Variants in SLC25A13 observed in about 807,000 individuals in gnomAD.
The protein encoded by SLC25A13 is electrogenic aspartate/glutamate antiporter SLC25A13, mitochondrial.
A neutral mutation model predicts 85.5 loss-of-function variants in SLC25A13; 70 were observed. The observed-to-expected ratio is 0.82, with a 90% CI of 0.68 to 1.00. The LOEUF is 1.00. SLC25A13 is among the 50% of genes least tolerant of loss of function. The pLI is 0.00. For synonymous variants in SLC25A13, 259 were observed against 288.7 expected (o/e 0.90, Z 1.04); for missense variants, 765 against 819.8 (o/e 0.93, Z 0.82).
chr7:96,314,818 C>G (rs1445686541), intron 1 of SLC25A13, among the ~76,000 whole-genome samples: 1 of 152,176 alleles, frequency 6.6e-6, no homozygotes, highest in Non-Finnish European at 1.5e-5. Context: ...CAAAAAAGAC[C>G]TGCTCCCTGA....
intron 2 of SLC25A13, among the ~76,000 whole-genome samples, chr7:96,284,675 T>C (rs746078424): frequency 1.3e-5 from 2 of 152,186 alleles, no homozygotes; most frequent in Non-Finnish European, 1.5e-5. Flanking sequence ...AACTGAATCA[T>C]GGGTGCGGTC....
At chr7:96,134,306 G>A (rs542405418) in intron 14 of SLC25A13, among the ~76,000 whole-genome samples, 11 of 152,236 alleles carry the variant, frequency 7.2e-5, no homozygotes, top group Middle Eastern at 3.4e-3. Context: ...AAAGTGCTGG[G>A]ATTACAGGCA....
chr7:96,281,669 G>A, intron 2 of SLC25A13, among the ~76,000 whole-genome samples: 1 of 152,062 alleles, frequency 6.6e-6, no homozygotes, highest in Non-Finnish European at 1.5e-5. Context: ...ATTCATGGCT[G>A]TACATTTGTG....
chr7:96,279,021 G>C (rs975642878), intron 2 of SLC25A13, among the ~76,000 whole-genome samples: 1 of 152,182 alleles, frequency 6.6e-6, no homozygotes, highest in East Asian at 1.9e-4. Flanking sequence ...TAAAGCTAAG[G>C]TAGTAAGCTT....
At chr7:96,234,992 G>A (rs1796692580) in intron 3 of SLC25A13, 75 bp from the exon 4 acceptor site, 2 of 1,036,750 alleles carry the variant, frequency 1.9e-6, no homozygotes, top group Admixed American at 2.1e-5. Context: ...CATACACTGA[G>A]GGAAAAAATA....
chr7:96,120,555 C>A lies in SLC25A13; in HGVS notation c.*636G>T. 1 of 454,502 alleles carries A rather than the reference C, an allele frequency of 2.2e-6. No homozygotes were observed. The highest frequency in any genetic ancestry group is 4.4e-6 in the Non-Finnish European group (1 of 226,784). 28.2% of individuals were successfully genotyped at this position (454,502 alleles called of 1,614,324 possible). On this transcript the variant is annotated 3_prime_UTR_variant, in exon 18 of 18. Transcript: ENST00000265631. ...GTACAGTAAAATGCCAAAAGTACTT[C>A]CCTAAAGTACAAAGGCATTTCCCTA...
intron 2 of SLC25A13, among the ~76,000 whole-genome samples, chr7:96,291,957 C>T (rs2116981851): frequency 6.6e-6 from 1 of 152,272 alleles, no homozygotes; most frequent in East Asian, 1.9e-4. Flanking sequence ...GATACCAAAG[C>T]CTGGCAGAGA....
chr7:96,226,446 C>A (rs990763994), intron 4 of SLC25A13, among the ~76,000 whole-genome samples: 1 of 152,042 alleles, frequency 6.6e-6, no homozygotes, highest in African/African-American at 2.4e-5. Flanking sequence ...GCGAACAGTG[C>A]TGCGATGAAC....
intron 15 of SLC25A13, among the ~76,000 whole-genome samples, chr7:96,126,375 A>G (rs1479680789): frequency 1.3e-5 from 2 of 152,080 alleles, no homozygotes; most frequent in South Asian, 2.1e-4. Context: ...GTCCTGCCCT[A>G]CTTTCTGTCC....
intron 2 of SLC25A13, among the ~76,000 whole-genome samples, chr7:96,285,148 T>A (rs1350000580): frequency 2.0e-5 from 3 of 152,162 alleles, no homozygotes; most frequent in African/African-American, 7.2e-5. Context: ...AGACCGTATT[T>A]TCTCTCTGCT....
intron 4 of SLC25A13, among the ~76,000 whole-genome samples, chr7:96,223,648 C>T (rs112061151): frequency 0.011 from 1,612 of 152,020 alleles, 29 homozygotes; most frequent in African/African-American, 0.037. Context: ...ATTAGCTGGG[C>T]GTGGCGATGT....
intron 3 of SLC25A13, among the ~76,000 whole-genome samples, chr7:96,269,373 C>A (rs1276299322): frequency 1.3e-5 from 2 of 152,224 alleles, no homozygotes; most frequent in Non-Finnish European, 1.5e-5. Context: ...CCCAGAGTTC[C>A]ATCCCAGCCC....
At chr7:96,289,146 G>C (rs943604540) in intron 2 of SLC25A13, among the ~76,000 whole-genome samples, 1 of 152,222 alleles carries the variant, frequency 6.6e-6, no homozygotes, top group African/African-American at 2.4e-5. Context: ...CAGGCAAACA[G>C]GGTCTGGTGT....
chr7:96,245,891 CT>C (rs1382358478), intron 3 of SLC25A13, among the ~76,000 whole-genome samples: 1 of 152,208 alleles, frequency 6.6e-6, no homozygotes, highest in African/African-American at 2.4e-5. Flanking sequence ...TTTCCTAAAT[CT>C]TTCTTTGTTC....
At chr7:96,155,254 G>C (rs941588638) in intron 13 of SLC25A13, among the ~76,000 whole-genome samples, 12 of 152,182 alleles carry the variant, frequency 7.9e-5, no homozygotes. Context: ...TCAGTGGCTG[G>C]TATGAGACTT....
At chr7:96,135,087 C>T (rs573614121) in intron 14 of SLC25A13, among the ~76,000 whole-genome samples, 1 of 152,288 alleles carries the variant, frequency 6.6e-6, no homozygotes, top group South Asian at 2.1e-4. Context: ...TAAGCTTCCT[C>T]ACCTGTCAAA....
intron 2 of SLC25A13, among the ~76,000 whole-genome samples, chr7:96,281,138 C>A (rs573408276): frequency 1.2e-4 from 19 of 152,146 alleles, no homozygotes; most frequent in Non-Finnish European, 2.2e-4. Context: ...CATCTGTAAT[C>A]CCAGCACTTT....
chr7:96,194,656 T>C (rs1794994435), intron 5 of SLC25A13, among the ~76,000 whole-genome samples: 2 of 152,274 alleles, frequency 1.3e-5, no homozygotes, highest in African/African-American at 4.8e-5. Context: ...ATGAGTCTGA[T>C]ACTGCTTTAA....
intron 4 of SLC25A13, among the ~76,000 whole-genome samples, chr7:96,213,667 C>T (rs1259359566): frequency 3.3e-5 from 5 of 152,192 alleles, no homozygotes; most frequent in Non-Finnish European, 7.3e-5. Context: ...TAACTCGTAA[C>T]TCAGTCGTGG....
Sources: allele counts gnomAD v4.1 joint callset (sites outside exome capture counted in the v4.1 genomes callset), GRCh38; gene constraint gnomAD v4.1.1; transcripts MANE v1.5; gene names NCBI Gene and HGNC (gene_info 2026-07-23, HGNC 2026-07-21).